The following ADAMTS2 variants were observed in gnomAD, a reference collection of about 807,000 sequenced individuals.
The protein encoded by ADAMTS2 is A disintegrin and metalloproteinase with thrombospondin motifs 2.
A neutral mutation model predicts 123.0 loss-of-function variants in ADAMTS2; 50 were observed. The ratio of observed to expected loss-of-function variants is 0.41; its 90% CI spans 0.32 to 0.51. ADAMTS2 has a LOEUF of 0.51. Among genes scored for constraint, ADAMTS2 ranks in the 20% least tolerant of loss-of-function variants. The pLI, the probability that ADAMTS2 is intolerant of heterozygous loss-of-function variation, is 0.35. For synonymous variants in ADAMTS2, 678 were observed against 695.4 expected, an observed-to-expected ratio of 0.98 and a Z score of 0.39; for missense variants, 1,494 against 1,705.2, an observed-to-expected ratio of 0.88 and a Z score of 2.18.
At chr5:179,191,647 G>A (rs1400559574) in intron 4 of ADAMTS2, among the ~76,000 whole-genome samples, 5 of 151,816 alleles carry the variant, frequency 3.3e-5, no homozygotes, top group South Asian at 2.1e-4. Context: ...GGTGGGGGGC[G>A]GGCTGCTGAG....
intron 2 of ADAMTS2, among the ~76,000 whole-genome samples, chr5:179,305,842 A>G (rs1756657614): frequency 2.0e-5 from 3 of 152,254 alleles, no homozygotes; most frequent in Non-Finnish European, 2.9e-5. Flanking sequence ...ATGGAATAGT[A>G]TAAACAATTC....
intron 3 of ADAMTS2, among the ~76,000 whole-genome samples, chr5:179,266,525 G>A (rs1265048456): frequency 2.0e-5 from 3 of 152,204 alleles, no homozygotes; most frequent in African/African-American, 7.2e-5. Context: ...GCCTCCCGAA[G>A]GAACCAGCCC....
chr5:179,289,203 GA>G (rs1375116677), intron 2 of ADAMTS2, among the ~76,000 whole-genome samples: 1 of 152,182 alleles, frequency 6.6e-6, no homozygotes, highest in Non-Finnish European at 1.5e-5. Flanking sequence ...AAGCACAGCG[GA>G]ACGATGGAGG....
At chr5:179,244,044 G>T (rs76245807) in intron 3 of ADAMTS2, among the ~76,000 whole-genome samples, 230 of 152,266 alleles carry the variant, frequency 1.5e-3, no homozygotes, top group African/African-American at 5.4e-3. Flanking sequence ...TAAAGGGCAT[G>T]AACATATGCA....
intron 2 of ADAMTS2, among the ~76,000 whole-genome samples, chr5:179,305,641 A>T (rs1005107255): frequency 2.0e-5 from 3 of 152,232 alleles, no homozygotes; most frequent in Non-Finnish European, 4.4e-5. Context: ...AAGAGTAAAA[A>T]TCAATGAAAC....
At chr5:179,161,531 T>G (rs917400766) in intron 5 of ADAMTS2, among the ~76,000 whole-genome samples, 1 of 151,530 alleles carries the variant, frequency 6.6e-6, no homozygotes, top group Non-Finnish European at 1.5e-5. Context: ...TCCTGGAGAG[T>G]GGGGGGCAGC....
intron 3 of ADAMTS2, among the ~76,000 whole-genome samples, chr5:179,215,741 G>A (rs1159721530): frequency 6.6e-6 from 1 of 152,186 alleles, no homozygotes; most frequent in Admixed American, 6.5e-5. Context: ...CATGAAGACA[G>A]CCACATTCTA....
chr5:179,223,897 G>C (rs763927108), intron 3 of ADAMTS2, among the ~76,000 whole-genome samples: 1 of 152,262 alleles, frequency 6.6e-6, no homozygotes, highest in Non-Finnish European at 1.5e-5. Flanking sequence ...CTGGAAGACT[G>C]AGGTGGCCCT....
chr5:179,138,649 T>C (rs3797592), intron 11 of ADAMTS2, among the ~76,000 whole-genome samples: 114,621 of 152,252 alleles, frequency 0.75, 44,034 homozygotes, highest in African/African-American at 0.93. Context: ...CCTGTCTGCT[T>C]CTGGCCGGGA....
rs144313198 is a variant in ADAMTS2 at position 179,340,056 on chromosome 5, T to C, written c.534+3711A>G. ...AGCAGCCCTGGATTTCTTCTTGCCATGCAACCTTGGGTCTCTCTGAGCCTC... is the reference window on the plus strand; with the variant it reads ...AGCAGCCCTGGATTTCTTCTTGCCACGCAACCTTGGGTCTCTCTGAGCCTC... On this transcript the variant is annotated intron_variant, in intron 2 of 21. Transcript: ENST00000251582. Among the ~76,000 whole-genome samples the C allele has an allele frequency of 9.5e-3, 1,449 of 152,360 alleles. 23 individuals carry two copies. The highest frequency in any genetic ancestry group is 0.032 in the African/African-American group (1,350 of 41,578).
intron 2 of ADAMTS2, among the ~76,000 whole-genome samples, chr5:179,339,710 C>T (rs989164291): frequency 2.0e-5 from 3 of 152,154 alleles, no homozygotes; most frequent in Non-Finnish European, 4.4e-5. Context: ...CCTCTCATTG[C>T]GATCCAGGCA....
chr5:179,341,906 T>C (rs1312665835), intron 2 of ADAMTS2, among the ~76,000 whole-genome samples: 1 of 152,120 alleles, frequency 6.6e-6, no homozygotes, highest in Non-Finnish European at 1.5e-5. Flanking sequence ...CCACACCTGG[T>C]ACCTCTGCAC....
At chr5:179,156,548 C>T (rs1210595323) in intron 6 of ADAMTS2, among the ~76,000 whole-genome samples, 3 of 151,946 alleles carry the variant, frequency 2.0e-5, no homozygotes, top group Admixed American at 6.5e-5. Context: ...TTACTAGAGA[C>T]GGGATTTCAC....
intron 5 of ADAMTS2, among the ~76,000 whole-genome samples, chr5:179,179,189 T>C (rs1318020588): frequency 1.3e-5 from 2 of 151,800 alleles, no homozygotes; most frequent in African/African-American, 4.8e-5. Flanking sequence ...TCAAGTGATC[T>C]ACCCACCTTG....
chr5:179,113,862 T>C lies in ADAMTS2; in HGVS notation c.*5A>G. The C allele has an allele frequency of 6.2e-7, 1 of 1,613,524 alleles. No individual in the cohort carries two copies. The highest frequency in any genetic ancestry group is 1.7e-5 in the Admixed American group (1 of 60,024). On this transcript the variant is annotated 3_prime_UTR_variant, in exon 22 of 22. Coordinates refer to ENST00000251582, the MANE Select transcript of ADAMTS2 (RefSeq NM_014244.5). Reference sequence around the variant, plus strand: ...AAATGCTAGGGATGCTATCTTTCCATTTTATTAGAACTTTCCGAGCATCTC... The same window carrying C: ...AAATGCTAGGGATGCTATCTTTCCACTTTATTAGAACTTTCCGAGCATCTC...
intron 10 of ADAMTS2, among the ~76,000 whole-genome samples, chr5:179,144,184 T>G (rs181739404): frequency 3.9e-4 from 59 of 152,138 alleles, no homozygotes; most frequent in African/African-American, 1.4e-3. Context: ...CCATTTACAA[T>G]AGCACCAAAA....
chr5:179,337,751 C>A lies in ADAMTS2; in HGVS notation c.534+6016G>T, dbSNP rs950584724. On this transcript the variant is annotated intron_variant, in intron 2 of 21. Transcript: ENST00000251582. ...GGCAGCCACGAGGCAAAGCCAGCCT[C>A]GCTGCTGAGCGGATGTCCCTGGCTG... Among the ~76,000 whole-genome samples the A allele has an allele frequency of 4.6e-5, 7 of 152,244 alleles. No homozygotes were observed. The East Asian group carries it at 1.3e-3, about 29-fold the overall frequency.
At chr5:179,199,434 G>T (rs1764509183) in intron 4 of ADAMTS2, among the ~76,000 whole-genome samples, 4 of 152,220 alleles carry the variant, frequency 2.6e-5, no homozygotes, top group Admixed American at 2.6e-4. Flanking sequence ...CGGCAGAGGT[G>T]AACCTCCCGT....
chr5:179,320,317 G>GT (rs145180270), intron 2 of ADAMTS2, among the ~76,000 whole-genome samples: 2,996 of 151,944 alleles, frequency 0.02, 89 homozygotes, highest in African/African-American at 0.067. Context: ...ATTTTTTTGG[G>GT]TTTTTTTTGA....
Sources: gnomAD v4.1 joint callset for allele counts (sites outside exome capture counted in the v4.1 genomes callset) on GRCh38, gnomAD v4.1.1 for gene constraint, MANE v1.5 for transcripts, NCBI Gene and HGNC (gene_info 2026-07-23, HGNC 2026-07-21) for gene names.